Variants in LUZP2 observed in about 807,000 individuals in gnomAD.
LUZP2 encodes the protein leucine zipper protein 2.
A neutral mutation model predicts 51.6 loss-of-function variants in LUZP2; 52 were observed. The observed-to-expected ratio is 1.01, with a 90% CI of 0.81 to 1.27. The LOEUF (loss-of-function observed/expected upper bound fraction) is 1.27. LUZP2 is among the 50% of genes most tolerant of loss of function. The pLI is 0.00. For missense variants in LUZP2, 436 were observed against 395.4 expected (o/e 1.10, Z -0.87); for synonymous variants, 154 against 137.3 (o/e 1.12, Z -0.85).
At chr11:24,541,889 TCTTA>T (rs1851377230) in intron 1 of LUZP2, among the ~76,000 whole-genome samples, 1 of 149,428 alleles carries the variant, frequency 6.7e-6, no homozygotes, top group African/African-American at 2.5e-5. Flanking sequence ...CAGCATAACT[TCTTA>T]CTTCTATTTA....
chr11:24,809,711 T>C (rs539198944), intron 5 of LUZP2, among the ~76,000 whole-genome samples: 33 of 152,120 alleles, frequency 2.2e-4, no homozygotes, highest in Non-Finnish European at 4.0e-4. Flanking sequence ...TTTTCTCCTG[T>C]AATAAGGGAT....
At chr11:24,699,033 G>T (rs182619912) in intron 1 of LUZP2, among the ~76,000 whole-genome samples, 1 of 150,440 alleles carries the variant, frequency 6.6e-6, no homozygotes, top group Admixed American at 6.7e-5. Flanking sequence ...CTCTATCCTG[G>T]GTGGCAGAGA....
chr11:24,776,272 A>G (rs1239507976), intron 5 of LUZP2, among the ~76,000 whole-genome samples: 1 of 152,226 alleles, frequency 6.6e-6, no homozygotes, highest in Non-Finnish European at 1.5e-5. Flanking sequence ...ACAATAGCCT[A>G]TGGAGAAAAC....
At chr11:24,563,350 T>A (rs922357798) in intron 1 of LUZP2, among the ~76,000 whole-genome samples, 6 of 152,218 alleles carry the variant, frequency 3.9e-5, no homozygotes, top group African/African-American at 7.2e-5. Context: ...AGAATTTTCA[T>A]GTAAAATCAA....
intron 1 of LUZP2, among the ~76,000 whole-genome samples, chr11:24,537,763 T>C (rs1018459749): frequency 4.6e-5 from 7 of 151,918 alleles, no homozygotes; most frequent in Non-Finnish European, 1.0e-4. Flanking sequence ...CATATATTAT[T>C]ATATCATGAC....
intron 10 of LUZP2, among the ~76,000 whole-genome samples, chr11:25,050,944 T>C (rs1033205143): frequency 2.0e-5 from 3 of 152,208 alleles, no homozygotes; most frequent in African/African-American, 7.2e-5. Flanking sequence ...GGAATTTTAT[T>C]TTTTTGAACT....
At position 24,898,721 on chromosome 11, in the gene LUZP2, A is replaced by T. The variant is rs77201803; in HGVS notation, c.397-7270A>T. On this transcript the variant is annotated intron_variant, in intron 5 of 11. Transcript: ENST00000336930. ...GACAATTTCTTGTGTAAAAAATAAG[A>T]TTTTTAAAAGACATTTCTAGTCTCA... Among the ~76,000 whole-genome samples the T allele has an allele frequency of 7.7e-3, 1,173 of 152,228 alleles. 16 individuals are homozygous for T. Among genetic ancestry groups the T allele is most frequent in the East Asian group, 0.055 (285 of 5,172 alleles).
At chr11:24,881,677 T>C (rs1302240850) in intron 5 of LUZP2, among the ~76,000 whole-genome samples, 1 of 151,966 alleles carries the variant, frequency 6.6e-6, no homozygotes, top group Non-Finnish European at 1.5e-5. Context: ...CCATCAAAAA[T>C]TTCAACAGAA....
rs151183796 is a variant in LUZP2 at position 24,892,408 on chromosome 11, G to A, written c.397-13583G>A. On this transcript the variant is annotated intron_variant, in intron 5 of 11. Coordinates refer to ENST00000336930, the MANE Select transcript of LUZP2 (RefSeq NM_001009909.4). ...TCTCAATTATACCCAGTGATGTCTC[G>A]ATTAGCACTTATTATAAAAATTAAA... is the stretch of plus-strand genomic sequence containing the variant. 95 of 982,336 alleles carry A rather than the reference G, an allele frequency of 9.7e-5. No homozygotes were observed. The African/African-American group carries it at 1.3e-3, about 14-fold the overall frequency. The allele number at this position is 982,336 out of a possible 1,614,324, so 60.9% of individuals were successfully genotyped here.
rs527792464 is a variant in LUZP2, at chr11:24,568,800, G to A, written c.62+71495G>A. Among the ~76,000 whole-genome samples, 3 of 152,080 alleles carry A rather than the reference G, an allele frequency of 2.0e-5. No individual in the cohort carries two copies. The South Asian group carries it at 6.2e-4, about 32-fold the overall frequency. ...TATATAAATTCAGCTGGAGGGGTAG[G>A]ATGATTTGAAAGTTGTTAATTTTCT... On this transcript the variant is annotated intron_variant, in intron 1 of 11. Coordinates refer to ENST00000336930, the MANE Select transcript of LUZP2 (RefSeq NM_001009909.4).
chr11:24,596,741 T>C (rs1291523969), intron 1 of LUZP2, among the ~76,000 whole-genome samples: 1 of 152,168 alleles, frequency 6.6e-6, no homozygotes, highest in Non-Finnish European at 1.5e-5. Flanking sequence ...CTAAAAAAAC[T>C]ACAGTTCTTG....
intron 1 of LUZP2, among the ~76,000 whole-genome samples, chr11:24,617,498 C>G (rs937814312): frequency 3.0e-4 from 46 of 152,096 alleles, no homozygotes; most frequent in Non-Finnish European, 1.0e-4. Flanking sequence ...TTCAGTGATT[C>G]TTAGTACGAT....
intron 5 of LUZP2, among the ~76,000 whole-genome samples, chr11:24,869,815 ATACC>A (rs1852003449): frequency 6.6e-6 from 1 of 152,156 alleles, no homozygotes; most frequent in Admixed American, 6.6e-5. Flanking sequence ...AATTATAGTA[ATACC>A]CTACAATGAA....
intron 5 of LUZP2, among the ~76,000 whole-genome samples, chr11:24,894,569 G>T (rs1852973704): frequency 6.6e-6 from 1 of 151,400 alleles, no homozygotes; most frequent in African/African-American, 2.4e-5. Flanking sequence ...ATAGTACCCA[G>T]TAGTTTTTTT....
rs558603805 is a variant in LUZP2, at chr11:24,809,237, T to C, written c.396+45929T>C. On this transcript the variant is annotated intron_variant, in intron 5 of 11. Transcript: ENST00000336930. ...TATTATAAATTAACAAATGAATAAA[T>C]AATAAATAAAATGTATATTAGCTTG... Among the ~76,000 whole-genome samples the C allele has an allele frequency of 2.2e-4, 34 of 152,286 alleles. No individual in the cohort carries two copies. In the South Asian group the frequency reaches 7.0e-3, roughly 32 times the overall value.
intron 4 of LUZP2, among the ~76,000 whole-genome samples, chr11:24,757,611 CA>C (rs1196132556): frequency 6.6e-6 from 1 of 151,572 alleles, no homozygotes; most frequent in Non-Finnish European, 1.5e-5. Flanking sequence ...AAAGACTAGA[CA>C]AAAAACAATA....
At chr11:25,011,987 G>C (rs1856997114) in intron 9 of LUZP2, among the ~76,000 whole-genome samples, 1 of 151,972 alleles carries the variant, frequency 6.6e-6, no homozygotes, top group Non-Finnish European at 1.5e-5. Context: ...TTTTCTGAAG[G>C]CTTGTGTATA....
At chr11:24,774,362 C>CTCTCTATATATATA (rs776739280) in intron 5 of LUZP2, among the ~76,000 whole-genome samples, 28 of 76,334 alleles carry the variant, frequency 3.7e-4, no homozygotes, top group South Asian at 9.4e-4. Flanking sequence ...CTCTCTCTCT[C>CTCTCTATATATATA]TATATATATA....
intron 5 of LUZP2, among the ~76,000 whole-genome samples, chr11:24,865,085 A>G (rs1032453737): frequency 2.0e-5 from 3 of 152,182 alleles, no homozygotes; most frequent in African/African-American, 7.2e-5. Flanking sequence ...GCTGAGGCAA[A>G]TGTCACACTA....
Sources: allele counts gnomAD v4.1 joint callset (sites outside exome capture counted in the v4.1 genomes callset), GRCh38; gene constraint gnomAD v4.1.1; transcripts MANE v1.5; gene names NCBI Gene and HGNC (gene_info 2026-07-23, HGNC 2026-07-21).